The following NXPE1 variants were observed in gnomAD, a reference collection of about 807,000 sequenced individuals.
The protein encoded by NXPE1 is NXPE family member 1.
In NXPE1, 31 loss-of-function variants were observed where a neutral mutation model predicts 33.3. The ratio of observed to expected loss-of-function variants is 0.93; its 90% CI spans 0.70 to 1.26. NXPE1 has a LOEUF of 1.26. Ranked by LOEUF, NXPE1 falls within the 50% of genes most tolerant of loss-of-function variation. NXPE1 has a pLI of 0.00. For missense variants in NXPE1, 661 were observed against 655.6 expected (o/e 1.01, Z -0.09); for synonymous variants, 229 against 231.4 (o/e 0.99, Z 0.09).
Position 114,538,992 on chromosome 11 carries a change from T to A in NXPE1, c.100-8084A>T, listed in dbSNP as rs528034720. Among the ~76,000 whole-genome samples, 19 of 147,590 alleles carry A rather than the reference T, an allele frequency of 1.3e-4. No individual in the cohort carries two copies. The East Asian group carries it at 3.7e-3, about 28-fold the overall frequency. On this transcript the variant is annotated intron_variant, in intron 5 of 8. Coordinates refer to ENST00000534921, the Ensembl canonical transcript of NXPE1. ...ATAAAGACACATGCACACGTGTGTT[T>A]ATTGAGGCACTATTCACAATAGCAA...
chr11:114,520,024 G>A (rs1229123911), downstream of NXPE1, among the ~76,000 whole-genome samples: 3 of 151,888 alleles, frequency 2.0e-5, no homozygotes, highest in East Asian at 5.8e-4. Flanking sequence ...CTGTGGTCTC[G>A]ATCTCCTGAC....
intron 5 of NXPE1, among the ~76,000 whole-genome samples, chr11:114,544,459 C>A (rs1444911321): frequency 6.6e-6 from 1 of 152,108 alleles, no homozygotes; most frequent in East Asian, 1.9e-4. Flanking sequence ...GACATAGGCA[C>A]AAAGGCAATT....
At chr11:114,551,006 G>C (rs1041239824) in intron 5 of NXPE1, 97 bp downstream of exon 5, 13 of 653,576 alleles carry the variant, frequency 2.0e-5, no homozygotes, top group Non-Finnish European at 3.3e-5. Flanking sequence ...TGAGGTGGGG[G>C]AGGAGGGGCA....
intron 5 of NXPE1, among the ~76,000 whole-genome samples, chr11:114,543,492 G>C (rs913896228): frequency 1.3e-5 from 2 of 150,696 alleles, no homozygotes; most frequent in African/African-American, 2.5e-5. Flanking sequence ...CTGCACTCCA[G>C]CCTGGGGTAC....
chr11:114,558,877 G>A (rs992675672), intron 1 of NXPE1, among the ~76,000 whole-genome samples: 6 of 152,114 alleles, frequency 3.9e-5, no homozygotes, highest in African/African-American at 1.4e-4. Context: ...CACATACAAA[G>A]TTTGTTTTCA....
chr11:114,530,520 G>T (rs115653681), exon 6 of NXPE1: 1 of 1,613,950 alleles, frequency 6.2e-7, no homozygotes, highest in Non-Finnish European at 8.5e-7. Context: ...GACCAGGTAG[G>T]TGCCATTGTT....
chr11:114,521,178 G>C (rs557251026), downstream of NXPE1, among the ~76,000 whole-genome samples: 8 of 152,200 alleles, frequency 5.3e-5, no homozygotes, highest in South Asian at 1.7e-3. Flanking sequence ...CAGGAAAGAG[G>C]ATAAATGTTC....
At chr11:114,528,396 TC>T (rs1424266191) in intron 6 of NXPE1, among the ~76,000 whole-genome samples, 2 of 152,180 alleles carry the variant, frequency 1.3e-5, no homozygotes, top group Non-Finnish European at 2.9e-5. Context: ...ACCCAAGGAA[TC>T]CAGCCTTTTT....
At chr11:114,557,183 C>T (rs545683198) in intron 1 of NXPE1, among the ~76,000 whole-genome samples, 10 of 152,204 alleles carry the variant, frequency 6.6e-5, no homozygotes, top group Middle Eastern at 3.4e-3. Context: ...CATGAGCTAC[C>T]GTGCCCGGCC....
intron 5 of NXPE1, among the ~76,000 whole-genome samples, chr11:114,543,717 G>A (rs2135065561): frequency 6.6e-6 from 1 of 152,078 alleles, no homozygotes; most frequent in Non-Finnish European, 1.5e-5. Context: ...CAACAATGTA[G>A]TGGAAGTCCT....
chr11:114,522,721 T>C (rs953131235), intron 8 of NXPE1, among the ~76,000 whole-genome samples, 158 bp downstream of exon 8: 1 of 152,118 alleles, frequency 6.6e-6, no homozygotes, highest in Admixed American at 6.5e-5. Context: ...ACATTTCTTA[T>C]GAAAGAAGGA....
exon 6 of NXPE1, chr11:114,530,899 C>G (rs986981439): frequency 1.2e-6 from 2 of 1,605,186 alleles, no homozygotes; most frequent in African/African-American, 1.3e-5. Flanking sequence ...AAGTTTAGAG[C>G]AGACCAAAGC....
intron 1 of NXPE1, among the ~76,000 whole-genome samples, chr11:114,554,841 G>A (rs950458240): frequency 1.3e-5 from 2 of 152,022 alleles, no homozygotes; most frequent in Admixed American, 1.3e-4. Context: ...TTCCCATTCA[G>A]GTTCACAGGC....
At chr11:114,527,335 A>G (rs761486518) in intron 7 of NXPE1, 2 of 152,348 alleles carry the variant, frequency 1.3e-5, no homozygotes, top group Non-Finnish European at 2.9e-5. Flanking sequence ...TTATCGGTAA[A>G]CTAAGATAGA....
exon 6 of NXPE1, chr11:114,530,653 C>T: frequency 1.2e-6 from 2 of 1,614,200 alleles, no homozygotes; most frequent in Non-Finnish European, 1.7e-6. Flanking sequence ...AGTAGGATGT[C>T]CAGCTGGTCT....
chr11:114,530,632 C>A (rs1307809813), exon 6 of NXPE1: 1 of 1,614,194 alleles, frequency 6.2e-7, no homozygotes, highest in South Asian at 1.1e-5. Context: ...CCCAAGTGGT[C>A]CCTCACCTCC....
intron 5 of NXPE1, among the ~76,000 whole-genome samples, chr11:114,535,957 AC>A (rs1947805533): frequency 6.6e-6 from 1 of 152,170 alleles, no homozygotes; most frequent in South Asian, 2.1e-4. Context: ...AGAACTCTCC[AC>A]CCCAAATCAA....
chr11:114,542,520 G>A (rs1002976750), intron 5 of NXPE1, among the ~76,000 whole-genome samples: 4 of 152,196 alleles, frequency 2.6e-5, no homozygotes, highest in African/African-American at 9.6e-5. Flanking sequence ...TGCAATGGTT[G>A]TGTGCTCTGA....
rs141185854 is a variant in NXPE1 at position 114,522,878 on chromosome 11, C to A, written c.1108+1G>T. 1.8e-5 allele frequency: 29 copies of A among 1,606,824 alleles called. No homozygotes were observed. In the African/African-American group the frequency reaches 3.7e-4, roughly 21 times the overall value. On this transcript the variant is annotated splice_donor_variant, in intron 8 of 8. Coordinates refer to ENST00000534921, the Ensembl canonical transcript of NXPE1. LOFTEE classifies it high-confidence loss of function. ...TAAGAGAATATAAAGTAACTACCTA[C>A]TTTTTACAACTTTGGGGAAGTAGTA...
Sources: allele counts gnomAD v4.1 joint callset (sites outside exome capture counted in the v4.1 genomes callset), GRCh38; gene constraint gnomAD v4.1.1; transcripts MANE v1.5; gene names NCBI Gene and HGNC (gene_info 2026-07-23, HGNC 2026-07-21).